The following EEFSEC variants were observed in gnomAD, a reference collection of about 807,000 sequenced individuals.
EEFSEC encodes selenocysteine-specific elongation factor.
A neutral mutation model predicts 42.1 loss-of-function variants in EEFSEC; 43 were observed. That is an observed-to-expected ratio of 1.02 (90% CI 0.80 to 1.32). The LOEUF (loss-of-function observed/expected upper bound fraction) is 1.32, where lower values mean the gene tolerates loss of function less well. Among genes scored for constraint, EEFSEC ranks in the 40% most tolerant of loss-of-function variants. EEFSEC has a pLI of 0.00. For synonymous variants in EEFSEC, 354 were observed against 339.1 expected (o/e 1.04, Z -0.48); for missense variants, 745 against 803.6 (o/e 0.93, Z 0.88).
chr3:128,334,244 A>T (rs1208330602), intron 4 of EEFSEC, among the ~76,000 whole-genome samples: 1 of 152,148 alleles, frequency 6.6e-6, no homozygotes, highest in African/African-American at 2.4e-5. Flanking sequence ...ATTGGCATTG[A>T]TGTGAGAGTC....
chr3:128,293,941 C>T (rs2066674833), intron 4 of EEFSEC, among the ~76,000 whole-genome samples: 1 of 152,236 alleles, frequency 6.6e-6, no homozygotes, highest in South Asian at 2.1e-4. Flanking sequence ...GGTAGCAGTA[C>T]TCAAAGAAGT....
chr3:128,357,369 T>C (rs1202506563), intron 5 of EEFSEC, among the ~76,000 whole-genome samples: 3 of 152,242 alleles, frequency 2.0e-5, no homozygotes, highest in African/African-American at 7.2e-5. Flanking sequence ...GTGTCCCTCC[T>C]CTCAGCCTGG....
intron 1 of EEFSEC, among the ~76,000 whole-genome samples, chr3:128,162,280 C>T (rs187565622): frequency 1.3e-4 from 20 of 152,326 alleles, no homozygotes; most frequent in South Asian, 2.1e-4. Context: ...ACTGCTTCTT[C>T]GACGTCCTCT....
chr3:128,210,414 G>A (rs2065744429), intron 1 of EEFSEC, among the ~76,000 whole-genome samples: 1 of 152,226 alleles, frequency 6.6e-6, no homozygotes, highest in Non-Finnish European at 1.5e-5. Context: ...CAGATCTCTG[G>A]TGGGTGGAAA....
chr3:128,260,798 T>C (rs1430964400), intron 2 of EEFSEC, among the ~76,000 whole-genome samples: 1 of 152,220 alleles, frequency 6.6e-6, no homozygotes, highest in East Asian at 1.9e-4. Flanking sequence ...CTCAAGCCTT[T>C]GGTTAATTTC....
chr3:128,289,376 C>T (rs530371183), intron 4 of EEFSEC, among the ~76,000 whole-genome samples: 59 of 152,336 alleles, frequency 3.9e-4, no homozygotes, highest in African/African-American at 1.4e-3. Context: ...AAGATGCAGG[C>T]TCTAGAGCCA....
chr3:128,186,294 T>C (rs1211774006), intron 1 of EEFSEC, among the ~76,000 whole-genome samples: 1 of 152,244 alleles, frequency 6.6e-6, no homozygotes, highest in Non-Finnish European at 1.5e-5. Context: ...TATTGTTGAC[T>C]CATAAGAGTT....
chr3:128,425,672 T>C, the EEFSEC span, among the ~76,000 whole-genome samples: 1 of 152,194 alleles, frequency 6.6e-6, no homozygotes, highest in African/African-American at 2.4e-5. Context: ...GTGCTCCCAG[T>C]GACGGAAATG....
At chr3:128,241,271 A>T (rs1263708838) in intron 1 of EEFSEC, among the ~76,000 whole-genome samples, 1 of 137,716 alleles carries the variant, frequency 7.3e-6, no homozygotes, top group Non-Finnish European at 1.5e-5. Flanking sequence ...CAGTGGTGTA[A>T]TCAGGCCTTG....
At chr3:128,208,343 G>T (rs181980022) in intron 1 of EEFSEC, among the ~76,000 whole-genome samples, 103 of 152,296 alleles carry the variant, frequency 6.8e-4, no homozygotes, top group Non-Finnish European at 1.1e-3. Flanking sequence ...CCTTCTGTCC[G>T]TGATGTCATA....
intron 1 of EEFSEC, among the ~76,000 whole-genome samples, chr3:128,184,193 A>G (rs1027697523): frequency 6.6e-6 from 1 of 152,250 alleles, no homozygotes. Flanking sequence ...TATTCATAAT[A>G]TAAGATTTAC....
At position 128,226,415 on chromosome 3, in the gene EEFSEC, C is replaced by T. The variant is rs114106639; in HGVS notation, c.317-20421C>T. On this transcript the variant is annotated intron_variant, in intron 1 of 6. Coordinates refer to ENST00000254730, the MANE Select transcript of EEFSEC (RefSeq NM_021937.5). ...CTGGTCCAGGGGCCAGCGGTTGGTGCCTCTGGTCATTCCGTCCTTTTCTAA... is the reference window on the plus strand; with the variant it reads ...CTGGTCCAGGGGCCAGCGGTTGGTGTCTCTGGTCATTCCGTCCTTTTCTAA... Among the ~76,000 whole-genome samples the T allele has an allele frequency of 5.9e-3, 899 of 152,234 alleles. 7 individuals carry two copies. The highest frequency in any genetic ancestry group is 9.5e-3 in the Non-Finnish European group (649 of 68,010).
intron 4 of EEFSEC, among the ~76,000 whole-genome samples, chr3:128,313,490 A>G (rs1397116593): frequency 6.6e-6 from 1 of 152,148 alleles, no homozygotes; most frequent in Non-Finnish European, 1.5e-5. Context: ...CATCTAAGCT[A>G]GTTGGTCAGC....
At chr3:128,213,795 T>G (rs919332839) in intron 1 of EEFSEC, among the ~76,000 whole-genome samples, 1 of 152,184 alleles carries the variant, frequency 6.6e-6, no homozygotes, top group Non-Finnish European at 1.5e-5. Flanking sequence ...TTTGCTTTCT[T>G]TTTGGTTTTA....
intron 1 of EEFSEC, among the ~76,000 whole-genome samples, chr3:128,228,715 C>T (rs2065932089): frequency 1.3e-5 from 2 of 151,926 alleles, no homozygotes; most frequent in Admixed American, 6.6e-5. Flanking sequence ...GACAATTTGG[C>T]CTTGGGCAAG....
chr3:128,249,248 T>C (rs1202470682), intron 2 of EEFSEC, among the ~76,000 whole-genome samples: 3 of 152,036 alleles, frequency 2.0e-5, no homozygotes, highest in African/African-American at 7.2e-5. Flanking sequence ...GTCCAAAGAG[T>C]AACTGAAAGA....
chr3:128,338,745 G>A (rs1202865476), intron 4 of EEFSEC, among the ~76,000 whole-genome samples: 2 of 152,212 alleles, frequency 1.3e-5, no homozygotes, highest in Non-Finnish European at 2.9e-5. Context: ...GCTGAGCTAA[G>A]GAGTGGGGGC....
At chr3:128,222,026 T>TG (rs1559874604) in intron 1 of EEFSEC, among the ~76,000 whole-genome samples, 2 of 91,750 alleles carry the variant, frequency 2.2e-5, no homozygotes, top group African/African-American at 5.0e-5. Context: ...TTTTTCAAAG[T>TG]TTTTTTTTTT....
chr3:128,289,827 G>T (rs2066624595), intron 4 of EEFSEC, among the ~76,000 whole-genome samples: 1 of 152,186 alleles, frequency 6.6e-6, no homozygotes, highest in African/African-American at 2.4e-5. Flanking sequence ...CCACCAATAT[G>T]GTAGAATGGA....
Sources: allele counts gnomAD v4.1 joint callset (sites outside exome capture counted in the v4.1 genomes callset), GRCh38; gene constraint gnomAD v4.1.1; transcripts MANE v1.5; gene names NCBI Gene and HGNC (gene_info 2026-07-23, HGNC 2026-07-21).